XPR1: variants seen among roughly 807,000 people sequenced by gnomAD.
The protein encoded by XPR1 is xenotropic and polytropic retrovirus receptor 1.
In XPR1, 28 loss-of-function variants were observed where a neutral mutation model predicts 87.5. That is an observed-to-expected ratio of 0.32 (90% CI 0.24 to 0.44). The LOEUF (loss-of-function observed/expected upper bound fraction) is 0.44, where lower values mean the gene tolerates loss of function less well. Among genes scored for constraint, XPR1 ranks in the 20% least tolerant of loss-of-function variants. The pLI is 1.00. For synonymous variants in XPR1, 300 were observed against 306.1 expected, an observed-to-expected ratio of 0.98 and a Z score of 0.21; for missense variants, 559 against 862.3, an observed-to-expected ratio of 0.65 and a Z score of 4.41.
rs71121048 is a variant in XPR1, at chr1:180,744,654, C to CTTTTTTTTTTTTTT, written c.122-43098_122-43085dup. ...GTTCAGGTTTAGGCACAATTTCTTTCTTTTTTTTTTTTTTGAGACAGAATC... is the reference window on the plus strand; with the variant it reads ...GTTCAGGTTTAGGCACAATTTCTTTCTTTTTTTTTTTTTTTTTTTTTTTTTTTTGAGACAGAATC... On this transcript the variant is annotated intron_variant, in intron 2 of 14. Transcript: ENST00000367590. Among the ~76,000 whole-genome samples the CTTTTTTTTTTTTTT allele has an allele frequency of 1.1e-3, 114 of 102,372 alleles. 5 individuals are homozygous for CTTTTTTTTTTTTTT. The highest frequency in any genetic ancestry group is 2.7e-3 in the East Asian group (9 of 3,274). The allele number at this position is 102,372 out of a possible 152,430, so 67.2% of individuals were successfully genotyped here. A position where few individuals can be genotyped will look rare whatever the true frequency, so the allele number is the denominator to read the frequency against.
chr1:180,705,638 T>G (rs1657529912), intron 2 of XPR1, among the ~76,000 whole-genome samples: 1 of 152,194 alleles, frequency 6.6e-6, no homozygotes, highest in South Asian at 2.1e-4. Flanking sequence ...GATTTATTAT[T>G]TTCACGTTCC....
intron 12 of XPR1, among the ~76,000 whole-genome samples, chr1:180,864,296 C>G (rs1050126172): frequency 6.6e-6 from 1 of 152,126 alleles, no homozygotes; most frequent in East Asian, 1.9e-4. Context: ...TTACTTTCTC[C>G]AAGAAGCCTT....
intron 1 of XPR1, among the ~76,000 whole-genome samples, chr1:180,663,670 C>G (rs1016972293): frequency 2.0e-5 from 3 of 152,236 alleles, no homozygotes; most frequent in African/African-American, 2.4e-5. Flanking sequence ...GCTCAAGGAC[C>G]TAGGGCTCTA....
chr1:180,836,398 G>T, intron 10 of XPR1, 124 bp from the exon 11 acceptor site: 1 of 962,212 alleles, frequency 1.0e-6, no homozygotes, highest in Non-Finnish European at 1.5e-6. Flanking sequence ...TAGTTGCAAA[G>T]AAGAAAGTGA....
chr1:180,639,173 T>C (rs924208916), intron 1 of XPR1, among the ~76,000 whole-genome samples: 4 of 151,830 alleles, frequency 2.6e-5, no homozygotes, highest in Non-Finnish European at 5.9e-5. Context: ...GGCGTGTGCC[T>C]GCTACTTGGG....
intron 7 of XPR1, among the ~76,000 whole-genome samples, chr1:180,812,121 A>T (rs1650239995): frequency 6.6e-6 from 1 of 151,096 alleles, no homozygotes; most frequent in Non-Finnish European, 1.5e-5. Context: ...CCACTTCTTG[A>T]AACACTTTGA....
chr1:180,866,677 A>G (rs866707811), intron 12 of XPR1, among the ~76,000 whole-genome samples: 2 of 152,354 alleles, frequency 1.3e-5, no homozygotes, highest in Non-Finnish European at 1.5e-5. Flanking sequence ...GGGAACAGTG[A>G]GCCATGTGAA....
intron 1 of XPR1, among the ~76,000 whole-genome samples, chr1:180,679,544 T>G (rs961009252): frequency 6.6e-6 from 1 of 152,206 alleles, no homozygotes; most frequent in African/African-American, 2.4e-5. Context: ...ATTTCAAGCT[T>G]TGAAGCTATG....
At chr1:180,763,144 G>A (rs1648118061) in intron 2 of XPR1, among the ~76,000 whole-genome samples, 1 of 152,172 alleles carries the variant, frequency 6.6e-6, no homozygotes, top group East Asian at 1.9e-4. Context: ...TCACCCATGT[G>A]ACCAAGGTAT....
intron 2 of XPR1, among the ~76,000 whole-genome samples, chr1:180,726,221 A>T (rs1450586206): frequency 6.6e-6 from 1 of 152,176 alleles, no homozygotes; most frequent in Non-Finnish European, 1.5e-5. Context: ...TATAAAATGG[A>T]CCAGTCAGCA....
At chr1:180,782,453 T>G (rs1648977466) in intron 2 of XPR1, among the ~76,000 whole-genome samples, 1 of 152,046 alleles carries the variant, frequency 6.6e-6, no homozygotes, top group Non-Finnish European at 1.5e-5. Context: ...TTTTCTTCTT[T>G]GCAAGCATTT....
chr1:180,855,928 C>G (rs987312706), intron 11 of XPR1, among the ~76,000 whole-genome samples: 3 of 152,122 alleles, frequency 2.0e-5, no homozygotes, highest in Non-Finnish European at 4.4e-5. Context: ...CTCATTTCCC[C>G]TTGTCCCAGG....
At chr1:180,881,321 A>G (rs1472634764) in intron 14 of XPR1, among the ~76,000 whole-genome samples, 1 of 151,996 alleles carries the variant, frequency 6.6e-6, no homozygotes, top group Non-Finnish European at 1.5e-5. Context: ...CCGCTACCAC[A>G]CGCAGCTAAT....
chr1:180,760,497 G>A (rs983388967), intron 2 of XPR1, among the ~76,000 whole-genome samples: 34 of 152,266 alleles, frequency 2.2e-4, no homozygotes, highest in African/African-American at 7.9e-4. Context: ...CAAATCATGA[G>A]TGAACTTCCA....
At chr1:180,693,955 TTTG>T (rs1001074534) in intron 2 of XPR1, among the ~76,000 whole-genome samples, 4 of 152,054 alleles carry the variant, frequency 2.6e-5, no homozygotes, top group South Asian at 2.1e-4. Flanking sequence ...TAAAAAAATT[TTTG>T]TTGTTGTTGT....
chr1:180,637,929 G>A (rs537754347), intron 1 of XPR1, among the ~76,000 whole-genome samples: 145 of 152,136 alleles, frequency 9.5e-4, no homozygotes, highest in Non-Finnish European at 1.9e-3. Context: ...TATATATTAT[G>A]AGTATTCTGC....
chr1:180,793,115 G>A (rs748533113), intron 3 of XPR1, among the ~76,000 whole-genome samples: 5 of 152,026 alleles, frequency 3.3e-5, no homozygotes, highest in Non-Finnish European at 7.4e-5. Context: ...AGGAAAGGAG[G>A]GAGAGAGGGA....
chr1:180,777,243 G>A (rs542648601), intron 2 of XPR1, among the ~76,000 whole-genome samples: 2 of 152,168 alleles, frequency 1.3e-5, no homozygotes, highest in East Asian at 1.9e-4. Flanking sequence ...TGAGGCTATT[G>A]TGATCTCTCC....
intron 11 of XPR1, among the ~76,000 whole-genome samples, chr1:180,846,000 C>G (rs1427937177): frequency 6.6e-6 from 1 of 152,180 alleles, no homozygotes; most frequent in Non-Finnish European, 1.5e-5. Context: ...TGGCTCACGC[C>G]TGTAATCCTA....
Sources: gnomAD v4.1 joint callset for allele counts (sites outside exome capture counted in the v4.1 genomes callset) on GRCh38, gnomAD v4.1.1 for gene constraint, MANE v1.5 for transcripts, NCBI Gene and HGNC (gene_info 2026-07-23, HGNC 2026-07-21) for gene names.